Variants in KIF15 observed in about 807,000 individuals in gnomAD.
The protein encoded by KIF15 is kinesin family member 15, also known as kinesin-like protein KIF15.
Under a neutral mutation model 190.6 loss-of-function variants are expected in KIF15, and 140 were observed. That is an observed-to-expected ratio of 0.73 (90% CI 0.64 to 0.84). The LOEUF (loss-of-function observed/expected upper bound fraction) is 0.84. Ranked by LOEUF, KIF15 falls within the 40% of genes least tolerant of loss-of-function variation. The probability of loss-of-function intolerance (pLI) is 0.00; values close to 1 mark genes in which losing one functional copy is unlikely to be tolerated. For missense variants in KIF15, 1,372 were observed against 1,584.4 expected, an observed-to-expected ratio of 0.87 and a Z score of 2.28; for synonymous variants, 528 against 551.3, an observed-to-expected ratio of 0.96 and a Z score of 0.59.
rs1351095119 is a variant in KIF15, at chr3:44,815,081, AGTT to A, written c.2549+9_2549+11del. ...GCTTCAATTAGATAATCTCAGGTAG[AGTT>A]GTTCTTTTATGGTTTCAAGTTGCCT... On this transcript the variant is annotated splice_donor_region_variant and intron_variant, in intron 20 of 34. Transcript: ENST00000326047. 6.4e-7 allele frequency: 1 copy of A among 1,566,356 alleles called. No individual in the cohort carries two copies. The highest frequency in any genetic ancestry group is 1.9e-5 in the Admixed American group (1 of 51,896).
Position 44,844,206 on chromosome 3 carries a change from T to G in KIF15, c.3695+972T>G, listed in dbSNP as rs970017219. Among the ~76,000 whole-genome samples, 2 of 152,180 alleles carry G rather than the reference T, an allele frequency of 1.3e-5. 1 individual carries two copies. The highest frequency in any genetic ancestry group is 4.8e-5 in the African/African-American group (2 of 41,448). On this transcript the variant is annotated intron_variant, in intron 30 of 34. Transcript: ENST00000326047. ...TGGCCCTGTCCAGAAACACCCCTGA[T>G]ATGAGTTGTTCAAAACCTAAATGAG...
At chr3:44,831,138 C>A in intron 26 of KIF15, 120 bp downstream of exon 26, 1 of 1,158,146 alleles carries the variant, frequency 8.6e-7, no homozygotes, top group Non-Finnish European at 1.2e-6. Flanking sequence ...TCTTATACAG[C>A]TGATGTGCCT....
At chr3:44,851,489 C>T (rs1244769652) in intron 32 of KIF15, among the ~76,000 whole-genome samples, 10 of 152,170 alleles carry the variant, frequency 6.6e-5, no homozygotes. Context: ...TATAATAATA[C>T]TTAAATTACA....
At chr3:44,813,933 A>T (rs1015749464) in intron 19 of KIF15, among the ~76,000 whole-genome samples, 5 of 152,142 alleles carry the variant, frequency 3.3e-5, no homozygotes, top group African/African-American at 9.7e-5. Flanking sequence ...AAAGTTTTAG[A>T]TAAGCTGCTT....
chr3:44,795,793 C>T (rs1217001718), intron 8 of KIF15, among the ~76,000 whole-genome samples: 1 of 152,038 alleles, frequency 6.6e-6, no homozygotes, highest in Admixed American at 6.6e-5. Context: ...GGGAAGAGAT[C>T]TACTTTTTTC....
intron 7 of KIF15, among the ~76,000 whole-genome samples, chr3:44,789,678 A>G (rs1439832776): frequency 3.8e-5 from 2 of 53,030 alleles, no homozygotes; most frequent in East Asian, 1.0e-3. Context: ...ATATATATAT[A>G]TATATATATA....
intron 5 of KIF15, among the ~76,000 whole-genome samples, chr3:44,781,760 T>C (rs1575587083): frequency 4.6e-5 from 7 of 152,318 alleles, no homozygotes; most frequent in Admixed American, 6.5e-5. Flanking sequence ...TCTTATTGTG[T>C]ATTTATTTCT....
intron 1 of KIF15, among the ~76,000 whole-genome samples, chr3:44,767,057 G>A (rs550937951): frequency 6.0e-4 from 91 of 152,114 alleles, no homozygotes; most frequent in Middle Eastern, 6.9e-3. Flanking sequence ...TGATCCGCCC[G>A]CTTCGGCCTC....
At chr3:44,862,151 G>C (rs1352162096) in intron 6 of KIF15, 1 of 1,048,302 alleles carries the variant, frequency 9.5e-7, no homozygotes, top group Non-Finnish European at 1.2e-6. Context: ...CTGCTGCTGC[G>C]GGCGGGCGGG....
chr3:44,769,393 T>G (rs1705547941), intron 1 of KIF15, among the ~76,000 whole-genome samples: 1 of 152,112 alleles, frequency 6.6e-6, no homozygotes, highest in African/African-American at 2.4e-5. Flanking sequence ...TTTCATTTCT[T>G]CTGTCCTTAT....
chr3:44,839,329 C>T (rs1424720072), intron 27 of KIF15, among the ~76,000 whole-genome samples: 17 of 151,518 alleles, frequency 1.1e-4, no homozygotes, highest in African/African-American at 3.6e-4. Context: ...GCCGAGATCG[C>T]GCCACTGCAC....
At chr3:44,827,579 TCCTGATA>T in intron 23 of KIF15, 51 bp downstream of exon 23, 1 of 1,128,454 alleles carries the variant, frequency 8.9e-7, no homozygotes, top group Non-Finnish European at 1.3e-6. Context: ...TAACTTTTAT[TCCTGATA>T]CCTAAAAGGC....
At position 44,801,455 on chromosome 3, in the gene KIF15, A is replaced by T. The variant is rs1273018154; in HGVS notation, c.1228A>T (p.Lys410Ter). Residue 410 changes from lysine to a stop codon, truncating the protein, a stop_gained, in exon 12 of 35, where the codon AAG becomes TAG. Coordinates refer to ENST00000326047, the MANE Select transcript of KIF15 (RefSeq NM_020242.3). LOFTEE classifies it high-confidence loss of function. The part of the protein sequence containing the change: ...PPESFLTRDK[K>*]KTNYMEYFQE... Reference sequence around the variant, plus strand: ...TCTTATTGGATCAATTACAGACAAAAAGAAGACTAACTATATGGAGTATTT... The same window carrying T: ...TCTTATTGGATCAATTACAGACAAATAGAAGACTAACTATATGGAGTATTT... 1 of 1,554,216 alleles carries T rather than the reference A, an allele frequency of 6.4e-7. No individual in the cohort carries two copies. The highest frequency in any genetic ancestry group is 8.8e-7 in the Non-Finnish European group (1 of 1,130,334).
intron 1 of KIF15, among the ~76,000 whole-genome samples, chr3:44,767,860 A>T (rs1705466639): frequency 7.3e-6 from 1 of 136,574 alleles, no homozygotes; most frequent in Non-Finnish European, 1.5e-5. Context: ...GCGCCACTGC[A>T]CTCCAGCCTG....
chr3:44,829,640 ATATT>A (rs1411505338), intron 24 of KIF15, among the ~76,000 whole-genome samples: 2 of 131,958 alleles, frequency 1.5e-5, no homozygotes, highest in African/African-American at 2.9e-5. Flanking sequence ...ATATATGTAT[ATATT>A]ATATATGTAT....
At chr3:44,780,280 G>C (rs1706105096) in intron 4 of KIF15, among the ~76,000 whole-genome samples, 1 of 152,046 alleles carries the variant, frequency 6.6e-6, no homozygotes, top group Non-Finnish European at 1.5e-5. Context: ...TTTCTGTTAA[G>C]TGGGATAACA....
At position 44,811,063 on chromosome 3, in the gene KIF15, AAAAT is replaced by A. The variant is rs769306053; in HGVS notation, c.2169+27_2169+30del. The stretch of plus-strand genomic sequence containing the variant: ...GTGCAGGTAATGTTTTGTTCTAGAA[AAAAT>A]AAATAACTGGACATCCATTTAAATA... On this transcript the variant is annotated intron_variant, in intron 17 of 34. Coordinates refer to ENST00000326047, the MANE Select transcript of KIF15 (RefSeq NM_020242.3). 5 of 1,536,762 alleles carry A rather than the reference AAAAT, an allele frequency of 3.3e-6. No individual in the cohort carries two copies. In the African/African-American group the frequency reaches 5.6e-5, roughly 17 times the overall value.
intron 7 of KIF15, among the ~76,000 whole-genome samples, chr3:44,793,682 A>G (rs1559538847): frequency 6.6e-6 from 1 of 152,216 alleles, no homozygotes; most frequent in Non-Finnish European, 1.5e-5. Context: ...TTATAAAGCT[A>G]GATAACAATG....
chr3:44,780,637 AT>A (rs896694134), intron 4 of KIF15, among the ~76,000 whole-genome samples: 5 of 152,240 alleles, frequency 3.3e-5, no homozygotes, highest in African/African-American at 9.6e-5. Context: ...GTAAATAAAA[AT>A]TAAATGAAAA....
Sources: gnomAD v4.1 joint callset for allele counts (sites outside exome capture counted in the v4.1 genomes callset) on GRCh38, gnomAD v4.1.1 for gene constraint, MANE v1.5 for transcripts, NCBI Gene and HGNC (gene_info 2026-07-23, HGNC 2026-07-21) for gene names.